MPP7: variants seen among roughly 807,000 people sequenced by gnomAD.
The protein encoded by MPP7 is MAGUK p55 subfamily member 7.
A neutral mutation model predicts 76.5 loss-of-function variants in MPP7; 60 were observed. The ratio of observed to expected loss-of-function variants is 0.78; its 90% CI spans 0.64 to 0.97. MPP7 has a LOEUF of 0.97. Among genes scored for constraint, MPP7 ranks in the 50% least tolerant of loss-of-function variants. The pLI, the probability that MPP7 is intolerant of heterozygous loss-of-function variation, is 0.00. For missense variants in MPP7, 641 were observed against 694.0 expected (o/e 0.92, Z 0.86); for synonymous variants, 237 against 244.5 (o/e 0.97, Z 0.29).
At chr10:28,214,063 A>C (rs929036142) in intron 2 of MPP7, among the ~76,000 whole-genome samples, 1 of 152,190 alleles carries the variant, frequency 6.6e-6, no homozygotes, top group South Asian at 2.1e-4. Context: ...AAGGAACAGG[A>C]GACAATTACT....
intron 12 of MPP7, among the ~76,000 whole-genome samples, chr10:28,085,248 C>A (rs1236937874): frequency 1.3e-5 from 2 of 152,106 alleles, no homozygotes; most frequent in Non-Finnish European, 2.9e-5. Context: ...GGATCTTAGA[C>A]AAGTTACCTA....
At chr10:28,078,754 A>C (rs993527659) in intron 12 of MPP7, among the ~76,000 whole-genome samples, 19 of 152,214 alleles carry the variant, frequency 1.2e-4, no homozygotes, top group African/African-American at 3.6e-4. Context: ...GAAAAGCATA[A>C]TACTACTTTA....
intron 2 of MPP7, among the ~76,000 whole-genome samples, chr10:28,212,893 G>A (rs1358682055): frequency 2.6e-5 from 4 of 152,110 alleles, no homozygotes; most frequent in African/African-American, 9.7e-5. Flanking sequence ...ACTAAAAAAT[G>A]GGAAGACAGA....
At chr10:28,295,574 C>T (rs1322728736) in intron 1 of MPP7, among the ~76,000 whole-genome samples, 4 of 152,130 alleles carry the variant, frequency 2.6e-5, no homozygotes, top group African/African-American at 9.7e-5. Context: ...GTTACAACCC[C>T]GAGAAATATT....
intron 11 of MPP7, among the ~76,000 whole-genome samples, chr10:28,095,264 C>T (rs1474598468): frequency 6.8e-6 from 1 of 148,066 alleles, no homozygotes; most frequent in African/African-American, 2.5e-5. Context: ...TATGTATACA[C>T]ATGCACAGAC....
At chr10:28,247,275 T>C (rs1042769302) in intron 1 of MPP7, among the ~76,000 whole-genome samples, 1 of 152,208 alleles carries the variant, frequency 6.6e-6, no homozygotes, top group African/African-American at 2.4e-5. Flanking sequence ...TGTCTAGTTT[T>C]GTCAGTTTCC....
In MPP7 at chr10:28,069,684, C is replaced by A; in HGVS notation, c.1204+88G>T. 7 of 1,089,362 alleles carry A rather than the reference C, an allele frequency of 6.4e-6. No individual in the cohort carries two copies. The East Asian group carries it at 9.5e-5, about 15-fold the overall frequency. 67.5% of individuals were successfully genotyped at this position (1,089,362 alleles called of 1,614,324 possible). A position where few individuals can be genotyped will look rare whatever the true frequency, so the allele number is the denominator to read the frequency against. On this transcript the variant is annotated intron_variant, in intron 13 of 16. Transcript: ENST00000683449. Reference sequence around the variant, plus strand: ...CCATGTACCCAAAAAATTTTAAAAACAAGTTAAAAATTTTTTAAAATAATT... The same window carrying A: ...CCATGTACCCAAAAAATTTTAAAAAAAAGTTAAAAATTTTTTAAAATAATT...
chr10:28,078,278 T>A (rs181909462), intron 12 of MPP7, among the ~76,000 whole-genome samples: 1 of 152,130 alleles, frequency 6.6e-6, no homozygotes, highest in South Asian at 2.1e-4. Flanking sequence ...TAGGCAGAGA[T>A]TCAGGCTACA....
At chr10:28,124,976 T>A in intron 7 of MPP7, 34 bp downstream of exon 7, 4 of 1,564,814 alleles carry the variant, frequency 2.6e-6, no homozygotes, top group Non-Finnish European at 2.6e-6. Context: ...AAACACGTGA[T>A]TAGTCTGTAC....
upstream of MPP7, among the ~76,000 whole-genome samples, chr10:28,304,436 ATAAACT>A (rs1377424952): frequency 3.3e-5 from 5 of 152,262 alleles, no homozygotes; most frequent in African/African-American, 4.8e-5. Context: ...TAAGGTAAAC[ATAAACT>A]TAAAGAGAAG....
At chr10:28,293,261 T>C (rs1006492667) in intron 1 of MPP7, among the ~76,000 whole-genome samples, 3 of 152,116 alleles carry the variant, frequency 2.0e-5, no homozygotes, top group Non-Finnish European at 4.4e-5. Context: ...GATATATAAA[T>C]GGCGAACTCA....
chr10:28,272,894 A>C (rs557870197), intron 1 of MPP7, among the ~76,000 whole-genome samples: 1 of 149,724 alleles, frequency 6.7e-6, no homozygotes, highest in African/African-American at 2.5e-5. Flanking sequence ...CAAGTAAAAC[A>C]ACCCAAAATG....
intron 11 of MPP7, among the ~76,000 whole-genome samples, chr10:28,109,848 C>CAAAAAAAAAAAAAAAAAAAAAAAAAAAAA (rs869206744): frequency 5.2e-5 from 1 of 19,214 alleles, no homozygotes; most frequent in African/African-American, 2.5e-4. Context: ...GCCGCAGACG[C>CAAAAAAAAAAAAAAAAAAAAAAAAAAAAA]AAAAAAAAAA....
chr10:28,254,955 C>G (rs1386544949), intron 1 of MPP7: 1 of 152,250 alleles, frequency 6.6e-6, no homozygotes, highest in Middle Eastern at 3.4e-3. Context: ...AAAATGATGA[C>G]ATAATGGTGG....
At chr10:28,198,683 G>C (rs867991951) in intron 3 of MPP7, among the ~76,000 whole-genome samples, 5 of 151,116 alleles carry the variant, frequency 3.3e-5, no homozygotes, top group South Asian at 4.2e-4. Flanking sequence ...AAAACACACA[G>C]AAACATAACT....
chr10:28,084,212 A>G (rs911021185), intron 12 of MPP7, among the ~76,000 whole-genome samples: 4 of 152,212 alleles, frequency 2.6e-5, no homozygotes, highest in African/African-American at 9.6e-5. Flanking sequence ...TAAGGCATAC[A>G]TGAGAAAGCA....
At chr10:28,096,213 G>A (rs1853564567) in intron 11 of MPP7, among the ~76,000 whole-genome samples, 1 of 152,146 alleles carries the variant, frequency 6.6e-6, no homozygotes, top group African/African-American at 2.4e-5. Context: ...CAAATTGCTA[G>A]AAACTAGACA....
intron 5 of MPP7, among the ~76,000 whole-genome samples, chr10:28,139,338 G>A (rs1219642965): frequency 6.6e-6 from 1 of 152,192 alleles, no homozygotes; most frequent in Non-Finnish European, 1.5e-5. Flanking sequence ...CTTCTGGGCA[G>A]CGGACATAGT....
At chr10:28,283,567 T>G (rs1444514247) in intron 1 of MPP7, among the ~76,000 whole-genome samples, 3 of 152,028 alleles carry the variant, frequency 2.0e-5, no homozygotes, top group Admixed American at 1.3e-4. Flanking sequence ...CAGGCTGGAG[T>G]GCAGTGGCGC....
Sources: allele counts gnomAD v4.1 joint callset (sites outside exome capture counted in the v4.1 genomes callset), GRCh38; gene constraint gnomAD v4.1.1; transcripts MANE v1.5; gene names NCBI Gene and HGNC (gene_info 2026-07-23, HGNC 2026-07-21).